The following CFI variants were observed in gnomAD, a reference collection of about 807,000 sequenced individuals.
CFI encodes the protein C3B/C4B inactivator.
In CFI, 66 loss-of-function variants were observed where a neutral mutation model predicts 78.8. The ratio of observed to expected loss-of-function variants is 0.84; its 90% CI spans 0.69 to 1.03. The LOEUF is 1.03. CFI is among the 50% of genes least tolerant of loss of function. The probability of loss-of-function intolerance (pLI) is 0.00; values close to 1 mark genes in which losing one functional copy is unlikely to be tolerated. For missense variants in CFI, 706 were observed against 704.5 expected (o/e 1.00, Z -0.02); for synonymous variants, 250 against 232.6 (o/e 1.07, Z -0.68).
chr4:109,799,759 C>G (rs923378229), intron 1 of CFI, among the ~76,000 whole-genome samples: 1 of 152,116 alleles, frequency 6.6e-6, no homozygotes, highest in Non-Finnish European at 1.5e-5. Flanking sequence ...TTCAAAATGT[C>G]TTTTTAATGA....
At chr4:109,739,224 G>A (rs916325253), downstream of CFI, among the ~76,000 whole-genome samples, 2 of 151,826 alleles carry the variant, frequency 1.3e-5, no homozygotes, top group Non-Finnish European at 2.9e-5. Flanking sequence ...AATAATAAAG[G>A]GAATATTTAT....
rs1403155452 is a variant in CFI, at chr4:109,746,249, T to C, written c.1402A>G (p.Ile468Val). The C allele has an allele frequency of 1.9e-6, 3 of 1,614,060 alleles. No individual in the cohort carries two copies. The highest frequency in any genetic ancestry group is 1.6e-4 in the Middle Eastern group (1 of 6,084). Residue 468 changes from isoleucine (I) to valine (V), a missense_variant, in exon 11 of 13, where the codon ATC (isoleucine) becomes GTC (valine). Physicochemically the swap from Ile to Val is conservative, Grantham distance 29 (BLOSUM62 3). Transcript: ENST00000394634. ...TTTTCTCGTCCCCAGCCAGAAACGATGCATGTATCATTAGGTTGGAATAGG... is the reference window on the plus strand; with the variant it reads ...TTTTCTCGTCCCCAGCCAGAAACGACGCATGTATCATTAGGTTGGAATAGG... Reference protein sequence around the residue: ...PYLFQPNDTCIVSGWGREKDN... With the variant: ...PYLFQPNDTCVVSGWGREKDN...
intron 2 of CFI, among the ~76,000 whole-genome samples, chr4:109,765,789 G>A (rs960970854): frequency 2.6e-5 from 4 of 151,766 alleles, no homozygotes; most frequent in Admixed American, 6.6e-5. Flanking sequence ...GGTCAGGGCT[G>A]GGGGAGAGGG....
chr4:109,780,183 A>G (rs531542099), intron 1 of CFI, among the ~76,000 whole-genome samples: 27 of 152,308 alleles, frequency 1.8e-4, no homozygotes, highest in African/African-American at 5.8e-4. Flanking sequence ...GCACAGGAAA[A>G]GAAACTACCA....
Position 109,795,550 on chromosome 4 carries a change from C to T in CFI, c.57+6365G>A, listed in dbSNP as rs557099351. On this transcript the variant is annotated intron_variant, in intron 1 of 12. Coordinates refer to ENST00000394634, the MANE Select transcript of CFI (RefSeq NM_000204.5). ...CCTACAAATTGCTTGACAAAGAATT[C>T]AAAGTAACATCTTAAAGAAGCTCAA... is the stretch of plus-strand genomic sequence containing the variant. Among the ~76,000 whole-genome samples, 3 of 152,206 alleles carry T rather than the reference C, an allele frequency of 2.0e-5. No individual in the cohort carries two copies. The East Asian group carries it at 5.8e-4, about 29-fold the overall frequency.
chr4:109,795,832 G>A (rs1352246289), intron 1 of CFI, among the ~76,000 whole-genome samples: 1 of 152,060 alleles, frequency 6.6e-6, no homozygotes, highest in African/African-American at 2.4e-5. Context: ...AAATGAAAAA[G>A]TATAAAGACT....
intron 1 of CFI, among the ~76,000 whole-genome samples, chr4:109,768,035 A>G (rs1728006172): frequency 6.6e-6 from 1 of 151,278 alleles, no homozygotes; most frequent in African/African-American, 2.4e-5. Context: ...TGCAAGGACA[A>G]AAAACCAAAC....
intron 8 of CFI, among the ~76,000 whole-genome samples, chr4:109,752,188 G>T (rs901905788): frequency 6.6e-6 from 1 of 152,080 alleles, no homozygotes; most frequent in Non-Finnish European, 1.5e-5. Flanking sequence ...ACCTGACAAA[G>T]TTCGTTTTAA....
At chr4:109,801,544 AG>A (rs1404343204) in intron 1 of CFI, among the ~76,000 whole-genome samples, 1 of 152,210 alleles carries the variant, frequency 6.6e-6, no homozygotes, top group African/African-American at 2.4e-5. Context: ...ATAACTATAG[AG>A]CGTACTAAGA....
chr4:109,790,497 G>A lies in CFI; in HGVS notation c.57+11418C>T, dbSNP rs567420535. On this transcript the variant is annotated intron_variant, in intron 1 of 12. Coordinates refer to ENST00000394634, the MANE Select transcript of CFI (RefSeq NM_000204.5). ...GCAGGTTTGTTATGTAGGTAAACTC[G>A]TGTCATGGGGGTTTGTTGTACAGAT... 1.6e-4 allele frequency among the ~76,000 whole-genome samples: 24 copies of A among 152,122 alleles called. No individual in the cohort carries two copies. In the South Asian group the frequency reaches 3.5e-3, roughly 22 times the overall value.
intron 1 of CFI, among the ~76,000 whole-genome samples, chr4:109,775,353 C>A (rs1729086326): frequency 1.3e-5 from 2 of 152,208 alleles, no homozygotes; most frequent in South Asian, 4.1e-4. Context: ...GAGATTATAT[C>A]CCGTGCCTGG....
At chr4:109,750,797 C>T (rs140522583) in intron 8 of CFI, among the ~76,000 whole-genome samples, 61 of 152,218 alleles carry the variant, frequency 4.0e-4, no homozygotes, top group African/African-American at 1.4e-3. Flanking sequence ...AAGAAAGAGC[C>T]GTTGTTGTAT....
chr4:109,741,636 C>T (rs1373348787), intron 12 of CFI, among the ~76,000 whole-genome samples: 1 of 152,172 alleles, frequency 6.6e-6, no homozygotes, highest in Non-Finnish European at 1.5e-5. Flanking sequence ...TCCTCTTGAC[C>T]ATGATACTCC....
chr4:109,790,855 G>T (rs949661039), intron 1 of CFI, among the ~76,000 whole-genome samples: 1 of 152,106 alleles, frequency 6.6e-6, no homozygotes, highest in African/African-American at 2.4e-5. Context: ...CCATTGATGG[G>T]CATTTAAGGT....
intron 1 of CFI, among the ~76,000 whole-genome samples, chr4:109,789,345 G>A (rs1457927443): frequency 6.6e-6 from 1 of 151,738 alleles, no homozygotes; most frequent in South Asian, 2.1e-4. Flanking sequence ...CCCCAAGCAG[G>A]AGAATCATGA....
At chr4:109,744,780 G>A (rs1724216386) in intron 11 of CFI, among the ~76,000 whole-genome samples, 1 of 152,064 alleles carries the variant, frequency 6.6e-6, no homozygotes, top group African/African-American at 2.4e-5. Flanking sequence ...TTAATATGGG[G>A]AGATACAACA....
At chr4:109,738,116 T>C (rs1459912169), downstream of CFI, among the ~76,000 whole-genome samples, 2 of 143,594 alleles carry the variant, frequency 1.4e-5, no homozygotes, top group African/African-American at 5.2e-5. Context: ...ACTTTTCTTT[T>C]TTTTTTTTTT....
chr4:109,774,254 A>G (rs1728940992), intron 1 of CFI, among the ~76,000 whole-genome samples: 1 of 152,194 alleles, frequency 6.6e-6, no homozygotes. Flanking sequence ...ATAAACAGTA[A>G]ATATATAAGA....
chr4:109,779,382 A>G (rs1338904649), intron 1 of CFI, among the ~76,000 whole-genome samples: 1 of 152,216 alleles, frequency 6.6e-6, no homozygotes, highest in Non-Finnish European at 1.5e-5. Context: ...TCCCATTCAC[A>G]ATTGCTTCAA....
Sources: gnomAD v4.1 joint callset for allele counts (sites outside exome capture counted in the v4.1 genomes callset) on GRCh38, gnomAD v4.1.1 for gene constraint, MANE v1.5 for transcripts, NCBI Gene and HGNC (gene_info 2026-07-23, HGNC 2026-07-21) for gene names.